Variants in SPEF2 observed in about 807,000 individuals in gnomAD.
The protein encoded by SPEF2 is sperm flagella and cilia-associated protein 2.
SPEF2 carries 187 observed loss-of-function variants against 224.6 expected under a neutral mutation model. The observed-to-expected ratio is 0.83, with a 90% confidence interval of 0.74 to 0.94. The LOEUF (loss-of-function observed/expected upper bound fraction) is 0.94, where lower values mean the gene tolerates loss of function less well. Among genes scored for constraint, SPEF2 ranks in the 40% least tolerant of loss-of-function variants. The probability of loss-of-function intolerance (pLI) is 0.00; values close to 1 mark genes in which losing one functional copy is unlikely to be tolerated. For missense variants in SPEF2, 2,170 were observed against 2,135.6 expected (o/e 1.02, Z -0.32); for synonymous variants, 715 against 707.3 (o/e 1.01, Z -0.17).
chr5:35,788,520 A>G (rs1223674567), intron 30 of SPEF2: 1 of 702,462 alleles, frequency 1.4e-6, no homozygotes, highest in African/African-American at 1.7e-5. Flanking sequence ...CAGTTTGCAC[A>G]TGCAGGAAAG....
intron 10 of SPEF2, among the ~76,000 whole-genome samples, chr5:35,688,804 G>A (rs564286900): frequency 6.6e-6 from 1 of 152,116 alleles, no homozygotes; most frequent in African/African-American, 2.4e-5. Flanking sequence ...TGTGAGAATC[G>A]TTTGAGATAA....
At chr5:35,737,153 C>A (rs1301837980) in intron 21 of SPEF2, among the ~76,000 whole-genome samples, 1 of 152,124 alleles carries the variant, frequency 6.6e-6, no homozygotes, top group Non-Finnish European at 1.5e-5. Flanking sequence ...ATTTATTAAA[C>A]TTACGTATAT....
intron 20 of SPEF2, among the ~76,000 whole-genome samples, chr5:35,718,477 T>G (rs1457490509): frequency 6.6e-6 from 1 of 152,164 alleles, no homozygotes; most frequent in Non-Finnish European, 1.5e-5. Context: ...TTCCCGTTTC[T>G]TCCTAGCAAA....
At chr5:35,780,971 T>C (rs1180766899) in intron 30 of SPEF2, among the ~76,000 whole-genome samples, 1 of 152,074 alleles carries the variant, frequency 6.6e-6, no homozygotes, top group Admixed American at 6.5e-5. Context: ...CCACTAAAAA[T>C]TTAAAAATAA....
intron 20 of SPEF2, among the ~76,000 whole-genome samples, chr5:35,714,337 A>C (rs73747904): frequency 0.028 from 4,214 of 151,412 alleles, 209 homozygotes; most frequent in African/African-American, 0.096. Flanking sequence ...CTGCTTTTTT[A>C]AAGAGTCATA....
At chr5:35,774,694 C>T (rs1753362460) in intron 28 of SPEF2, among the ~76,000 whole-genome samples, 1 of 152,174 alleles carries the variant, frequency 6.6e-6, no homozygotes, top group Non-Finnish European at 1.5e-5. Flanking sequence ...TACAAGATGA[C>T]AAAACCACAA....
intron 18 of SPEF2, among the ~76,000 whole-genome samples, chr5:35,707,192 TCTGACCACAATATA>T (rs1182129802): frequency 6.6e-6 from 1 of 152,208 alleles, no homozygotes; most frequent in Non-Finnish European, 1.5e-5. Flanking sequence ...ACTTCTATAT[TCTGACCACAATATA>T]CTGTTAAGTA....
intron 20 of SPEF2, among the ~76,000 whole-genome samples, chr5:35,724,342 C>T (rs545497988): frequency 4.6e-5 from 7 of 152,092 alleles, no homozygotes; most frequent in East Asian, 3.9e-4. Flanking sequence ...CTCTTAAGTA[C>T]GAGTCTCTTA....
chr5:35,709,675 T>C, intron 19 of SPEF2: 1 of 985,312 alleles, frequency 1.0e-6, no homozygotes, highest in South Asian at 4.7e-5. Flanking sequence ...AGAGCCTAGA[T>C]AGAGAACACT....
rs762318428 is a variant in SPEF2, at chr5:35,806,596, G to A, written c.5011-111G>A. ...AGACTGGTTAGCTAGTTTGTGGTAGGCTCTGTCATTCATGAAAAGTGTGTG... is the reference window on the plus strand; with the variant it reads ...AGACTGGTTAGCTAGTTTGTGGTAGACTCTGTCATTCATGAAAAGTGTGTG... On this transcript the variant is annotated intron_variant, in intron 34 of 36. Transcript: ENST00000356031. The A allele has an allele frequency of 2.0e-5, 27 of 1,351,332 alleles. No homozygotes were observed. In the East Asian group the frequency reaches 3.1e-4, roughly 16 times the overall value. 83.7% of individuals were successfully genotyped at this position (1,351,332 alleles called of 1,614,324 possible). A position where few individuals can be genotyped will look rare whatever the true frequency, so the allele number is the denominator to read the frequency against.
At chr5:35,724,682 A>G (rs970869972) in intron 20 of SPEF2, among the ~76,000 whole-genome samples, 2 of 152,190 alleles carry the variant, frequency 1.3e-5, no homozygotes, top group Admixed American at 6.5e-5. Context: ...ATATGCCTCA[A>G]TTTCCTCATC....
In SPEF2 at chr5:35,727,693, C is replaced by T. The variant is rs1347513332; in HGVS notation, c.2933C>T (p.Ser978Leu). Reference sequence around the variant, plus strand: ...GTTTAAGGTTCTCCTAAAGGAAAATCATCAGGAGGAAAAGTACCAGTAAAG... The same window carrying T: ...GTTTAAGGTTCTCCTAAAGGAAAATTATCAGGAGGAAAAGTACCAGTAAAG... Reference protein sequence around the residue: ...LKRKGSPKGKSSGGKVPVKKS... With the variant: ...LKRKGSPKGKLSGGKVPVKKS... Residue 978 changes from serine to leucine, a missense_variant, in exon 21 of 37, where the codon TCA (serine) becomes TTA (leucine). Ser to Leu is a moderately radical substitution (Grantham distance 145, BLOSUM62 -2). Transcript: ENST00000356031. 1.4e-5 allele frequency: 22 copies of T among 1,613,274 alleles called. No individual in the cohort carries two copies. The highest frequency in any genetic ancestry group is 1.9e-5 in the Non-Finnish European group (22 of 1,179,668).
At chr5:35,627,803 C>A (rs193286085) in intron 1 of SPEF2, among the ~76,000 whole-genome samples, 1 of 152,098 alleles carries the variant, frequency 6.6e-6, no homozygotes, top group South Asian at 2.1e-4. Flanking sequence ...GCTTGCCCAA[C>A]GTCACACAGC....
chr5:35,655,664 A>G (rs181497732), intron 7 of SPEF2, among the ~76,000 whole-genome samples: 203 of 152,280 alleles, frequency 1.3e-3, no homozygotes, highest in African/African-American at 4.6e-3. Flanking sequence ...TTTCCAGGAA[A>G]GGTGGTGGAA....
At chr5:35,757,512 C>G (rs1750630869) in intron 24 of SPEF2, among the ~76,000 whole-genome samples, 1 of 152,084 alleles carries the variant, frequency 6.6e-6, no homozygotes, top group Admixed American at 6.5e-5. Flanking sequence ...TATTTTAATT[C>G]TCCAAAGTTG....
intron 23 of SPEF2, among the ~76,000 whole-genome samples, chr5:35,751,427 A>G (rs1391963050): frequency 2.0e-5 from 3 of 151,598 alleles, no homozygotes; most frequent in African/African-American, 7.3e-5. Context: ...GAACTTACTT[A>G]TGTACCCAAA....
intron 18 of SPEF2, 22 bp from the exon 19 acceptor site, chr5:35,708,926 A>C: frequency 6.3e-7 from 1 of 1,594,016 alleles, no homozygotes; most frequent in South Asian, 1.1e-5. Context: ...AATGAAGGTC[A>C]ATTCTTATCA....
At chr5:35,642,988 C>T (rs546852882) in intron 3 of SPEF2, among the ~76,000 whole-genome samples, 1 of 152,310 alleles carries the variant, frequency 6.6e-6, no homozygotes, top group African/African-American at 2.4e-5. Flanking sequence ...AAACAACTCT[C>T]AGCTTCAATT....
In SPEF2 at chr5:35,700,771, T is replaced by A. The variant is rs950627212; in HGVS notation, c.2398+19T>A. The stretch of plus-strand genomic sequence containing the variant: ...ATTATAGGTAAGCTGGACACCTTTT[T>A]TGACACTCTTTTTACAATGAAAACT... On this transcript the variant is annotated intron_variant, in intron 16 of 36. Transcript: ENST00000356031. 3 of 1,610,448 alleles carry A rather than the reference T, an allele frequency of 1.9e-6. No individual in the cohort carries two copies. The highest frequency in any genetic ancestry group is 2.5e-6 in the Non-Finnish European group (3 of 1,177,806).
Sources: gnomAD v4.1 joint callset for allele counts (sites outside exome capture counted in the v4.1 genomes callset) on GRCh38, gnomAD v4.1.1 for gene constraint, MANE v1.5 for transcripts, NCBI Gene and HGNC (gene_info 2026-07-23, HGNC 2026-07-21) for gene names.